Variants in KCNH8 observed in about 807,000 individuals in gnomAD.
The protein encoded by KCNH8 is potassium voltage-gated channel subfamily H member 8, also known as voltage-gated delayed rectifier potassium channel KCNH8.
In KCNH8, 70 loss-of-function variants were observed where a neutral mutation model predicts 103.6. That is an observed-to-expected ratio of 0.68 (90% CI 0.56 to 0.82). KCNH8 has a LOEUF of 0.82. Among genes scored for constraint, KCNH8 ranks in the 40% least tolerant of loss-of-function variants. KCNH8 has a pLI of 0.00. For synonymous variants in KCNH8, 498 were observed against 489.4 expected, an observed-to-expected ratio of 1.02 and a Z score of -0.23; for missense variants, 1,217 against 1,329.9, an observed-to-expected ratio of 0.92 and a Z score of 1.32.
chr3:19,210,622 G>A (rs1035367913), intron 1 of KCNH8, among the ~76,000 whole-genome samples: 1 of 151,978 alleles, frequency 6.6e-6, no homozygotes, highest in Non-Finnish European at 1.5e-5. Flanking sequence ...TGTTGTGGAG[G>A]GTTCTGACAC....
At chr3:19,359,360 T>C (rs2065919660) in intron 5 of KCNH8, among the ~76,000 whole-genome samples, 1 of 142,682 alleles carries the variant, frequency 7.0e-6, no homozygotes, top group Non-Finnish European at 1.5e-5. Context: ...ATGTGTGTTG[T>C]GTGTGCATGT....
Position 19,400,231 on chromosome 3 carries a change from CAAAAAAAAAAAAA to C in KCNH8, c.1177+4932_1177+4944del, listed in dbSNP as rs11422314. Reference sequence around the variant, plus strand: ...CCCTACCAGATACGATGTTAGCCAGCAAAAAAAAAAAAAAAAAAAAAAAAGCATCATAATGTCA... The same window carrying C: ...CCCTACCAGATACGATGTTAGCCAGCAAAAAAAAAAAGCATCATAATGTCA... On this transcript the variant is annotated intron_variant, in intron 7 of 15. Transcript: ENST00000328405. Among the ~76,000 whole-genome samples the C allele has an allele frequency of 5.6e-5, 3 of 53,108 alleles. 1 individual carries two copies. The Admixed American group carries it at 8.9e-4, about 16-fold the overall frequency. 34.8% of individuals were successfully genotyped at this position (53,108 alleles called of 152,430 possible).
Position 19,513,270 on chromosome 3 carries a change from T to C in KCNH8, c.2380T>C (p.Leu794=). ...PNHNKRKEKN[L]KLQLSTLNNA... ...CCATAATAAAAGGAAAGAGAAGAAC[T>C]TGAAATTGCAACTTTCAACTTTGAA... The change falls in exon 13 of 16, where the codon TTG becomes CTG. Residue 794 remains leucine (L), a synonymous_variant. Coordinates refer to ENST00000328405, the MANE Select transcript of KCNH8 (RefSeq NM_144633.3). The C allele has an allele frequency of 6.2e-7, 1 of 1,612,528 alleles. No individual in the cohort carries two copies. Among genetic ancestry groups the C allele is most frequent in the Non-Finnish European group, 8.5e-7 (1 of 1,179,524 alleles).
chr3:19,512,752 A>G (rs1347908345), intron 12 of KCNH8, among the ~76,000 whole-genome samples: 1 of 152,164 alleles, frequency 6.6e-6, no homozygotes, highest in Non-Finnish European at 1.5e-5. Context: ...AGGGGCTAAA[A>G]ATCAAGAAAG....
At chr3:19,181,442 G>T (rs920810699) in intron 1 of KCNH8, among the ~76,000 whole-genome samples, 1 of 152,016 alleles carries the variant, frequency 6.6e-6, no homozygotes, top group Non-Finnish European at 1.5e-5. Context: ...ACAAGCTTGG[G>T]TTTCTGAATA....
At chr3:19,298,261 G>A (rs773846374) in intron 3 of KCNH8, among the ~76,000 whole-genome samples, 25 of 152,134 alleles carry the variant, frequency 1.6e-4, no homozygotes, top group Non-Finnish European at 3.2e-4. Flanking sequence ...ATCAATTATT[G>A]AAGTCTGCCA....
rs1559483634 is a variant in KCNH8 at position 19,341,481 on chromosome 3, A to G, written c.443-1106A>G. On this transcript the variant is annotated intron_variant, in intron 3 of 15. Coordinates refer to ENST00000328405, the MANE Select transcript of KCNH8 (RefSeq NM_144633.3). The stretch of plus-strand genomic sequence containing the variant: ...TGTCTGACTAACTACCTACTCTAAC[A>G]TGACAACAGATACTTTAAAATTTGT... Among the ~76,000 whole-genome samples, 6 of 152,144 alleles carry G rather than the reference A, an allele frequency of 3.9e-5. No individual in the cohort carries two copies. In the South Asian group the frequency reaches 6.2e-4, roughly 16 times the overall value.
At chr3:19,260,487 G>GATATATATATATAT (rs57661437) in intron 2 of KCNH8, among the ~76,000 whole-genome samples, 3 of 40,038 alleles carry the variant, frequency 7.5e-5, no homozygotes, top group Admixed American at 2.8e-4. Flanking sequence ...TACTCTATAG[G>GATATATATATATAT]ATATATATAT....
intron 15 of KCNH8, among the ~76,000 whole-genome samples, chr3:19,527,783 T>C (rs2069091000): frequency 6.6e-6 from 1 of 152,078 alleles, no homozygotes. Context: ...GGGGATGTTG[T>C]TTAACAAGAG....
At chr3:19,259,558 C>T (rs2125257544) in intron 2 of KCNH8, among the ~76,000 whole-genome samples, 1 of 151,824 alleles carries the variant, frequency 6.6e-6, no homozygotes, top group Admixed American at 6.6e-5. Context: ...GAACAGGTCC[C>T]AATTTGTTGC....
Position 19,253,635 on chromosome 3 carries a change from T to C in KCNH8, c.77-19T>C. ...ACACTTATCTAGTTGCTGAGTATCT[T>C]CTCCTTGTTTTTCTATAGATAGCAA... On this transcript the variant is annotated intron_variant, in intron 1 of 15. Transcript: ENST00000328405. The C allele has an allele frequency of 1.9e-6, 3 of 1,556,578 alleles. No individual in the cohort carries two copies. The highest frequency in any genetic ancestry group is 1.4e-5 in the African/African-American group (1 of 73,700).
At chr3:19,513,462 G>T in intron 13 of KCNH8, 137 bp downstream of exon 13, 1 of 1,276,058 alleles carries the variant, frequency 7.8e-7, no homozygotes, top group Admixed American at 2.7e-5. Flanking sequence ...TGAGTTTTGT[G>T]GGCAATTTTT....
intron 8 of KCNH8, among the ~76,000 whole-genome samples, chr3:19,439,545 C>T (rs1263034061): frequency 6.6e-6 from 1 of 152,100 alleles, no homozygotes; most frequent in Non-Finnish European, 1.5e-5. Flanking sequence ...AAGCTATCAC[C>T]CTCCTTTATT....
At chr3:19,169,782 A>G (rs2063323320) in intron 1 of KCNH8, among the ~76,000 whole-genome samples, 1 of 152,194 alleles carries the variant, frequency 6.6e-6, no homozygotes, top group Admixed American at 6.5e-5. Flanking sequence ...TTGTCCCTCA[A>G]TAAATGGATA....
chr3:19,150,666 A>G (rs2063119989), intron 1 of KCNH8, among the ~76,000 whole-genome samples: 1 of 152,164 alleles, frequency 6.6e-6, no homozygotes, highest in Non-Finnish European at 1.5e-5. Flanking sequence ...ACTTGTGAAT[A>G]GTTCTTTTTC....
At chr3:19,485,527 T>C (rs1215145197) in intron 11 of KCNH8, among the ~76,000 whole-genome samples, 1 of 152,212 alleles carries the variant, frequency 6.6e-6, no homozygotes, top group Non-Finnish European at 1.5e-5. Flanking sequence ...ATGAGTAGTT[T>C]TGTGCACGGC....
intron 12 of KCNH8, among the ~76,000 whole-genome samples, chr3:19,512,040 ATTT>A (rs2068792036): frequency 6.6e-6 from 1 of 152,210 alleles, no homozygotes; most frequent in African/African-American, 2.4e-5. Context: ...TCTTTGCCTT[ATTT>A]TTATTATAAA....
chr3:19,364,661 G>C (rs9310594), intron 5 of KCNH8, among the ~76,000 whole-genome samples: 53,035 of 151,580 alleles, frequency 0.35, 9,562 homozygotes, highest in East Asian at 0.52. Context: ...AAAAATGTAG[G>C]GATTTTACAT....
intron 11 of KCNH8, among the ~76,000 whole-genome samples, chr3:19,476,460 T>A (rs2067978676): frequency 6.6e-6 from 1 of 152,156 alleles, no homozygotes; most frequent in South Asian, 2.1e-4. Flanking sequence ...CCTGAAAATC[T>A]TATGAAACCG....
Sources: allele counts gnomAD v4.1 joint callset (sites outside exome capture counted in the v4.1 genomes callset), GRCh38; gene constraint gnomAD v4.1.1; transcripts MANE v1.5; gene names NCBI Gene and HGNC (gene_info 2026-07-23, HGNC 2026-07-21).